The following DOCK4 variants were observed in gnomAD, a reference collection of about 807,000 sequenced individuals.
DOCK4 encodes dedicator of cytokinesis protein 4.
Under a neutral mutation model 268.1 loss-of-function variants are expected in DOCK4, and 97 were observed. That is an observed-to-expected ratio of 0.36 (90% CI 0.31 to 0.43). The LOEUF is 0.43. Among genes scored for constraint, DOCK4 ranks in the 20% least tolerant of loss-of-function variants. DOCK4 has a pLI of 1.00. For synonymous variants in DOCK4, 954 were observed against 887.2 expected, an observed-to-expected ratio of 1.08 and a Z score of -1.34; for missense variants, 2,145 against 2,455.7, an observed-to-expected ratio of 0.87 and a Z score of 2.67.
chr7:111,838,815 CAT>C lies in DOCK4; in HGVS notation c.2737-4131_2737-4130del, dbSNP rs1360236761. Among the ~76,000 whole-genome samples, 6 of 152,176 alleles carry C rather than the reference CAT, an allele frequency of 3.9e-5. No homozygotes were observed. The East Asian group carries it at 1.2e-3, about 29-fold the overall frequency. ...TGTGGTGATGTTTCATAGGAATACA[CAT>C]ATGTCAAAACTAAAATTGTACATTT... On this transcript the variant is annotated intron_variant, in intron 25 of 52. Transcript: ENST00000428084.
intron 1 of DOCK4, among the ~76,000 whole-genome samples, chr7:112,199,055 C>T (rs1286018287): frequency 6.6e-6 from 1 of 152,166 alleles, no homozygotes; most frequent in Non-Finnish European, 1.5e-5. Flanking sequence ...CTGATTCAAA[C>T]TTCTGCTAAC....
chr7:111,930,022 ACTG>A (rs1794067832), intron 12 of DOCK4, among the ~76,000 whole-genome samples: 1 of 152,188 alleles, frequency 6.6e-6, no homozygotes. Context: ...CTATAATTCA[ACTG>A]CTGTCTATCA....
At chr7:111,729,524 G>A (rs1794918905) in intron 52 of DOCK4, among the ~76,000 whole-genome samples, 2 of 152,118 alleles carry the variant, frequency 1.3e-5, no homozygotes, top group Admixed American at 6.5e-5. Flanking sequence ...CTCCAGCCTG[G>A]GCAACACAAT....
intron 1 of DOCK4, among the ~76,000 whole-genome samples, chr7:112,096,854 C>T (rs772167521): frequency 4.6e-5 from 7 of 152,156 alleles, no homozygotes; most frequent in East Asian, 1.9e-4. Context: ...CAGTGGGTTA[C>T]AGGACACAGT....
At chr7:111,986,555 T>C (rs981524889) in intron 6 of DOCK4, among the ~76,000 whole-genome samples, 4 of 152,044 alleles carry the variant, frequency 2.6e-5, no homozygotes, top group Admixed American at 2.6e-4. Context: ...AGAGAGAGGA[T>C]GAGAGGAGAT....
Position 112,078,705 on chromosome 7 carries a change from G to C in DOCK4, c.38-74574C>G, listed in dbSNP as rs189969374. On this transcript the variant is annotated intron_variant, in intron 1 of 52. Transcript: ENST00000428084. ...ACTCAAGCCAACTGGGAAGAAAGCA[G>C]AGGCATAGGAACGTCTGGAGATGAG... 2.3e-3 allele frequency among the ~76,000 whole-genome samples: 351 copies of C among 152,302 alleles called. 3 individuals carry two copies. The highest frequency in any genetic ancestry group is 2.9e-3 in the Non-Finnish European group (199 of 68,024).
chr7:112,136,929 A>G (rs1237952425), intron 1 of DOCK4, among the ~76,000 whole-genome samples: 1 of 152,166 alleles, frequency 6.6e-6, no homozygotes, highest in East Asian at 1.9e-4. Flanking sequence ...CAGCTATGGA[A>G]TTTGGGAGAG....
chr7:111,752,296 C>G (rs1225069296), intron 42 of DOCK4, among the ~76,000 whole-genome samples: 1 of 152,000 alleles, frequency 6.6e-6, no homozygotes, highest in African/African-American at 2.4e-5. Context: ...TTAAAAAGGT[C>G]ACTGGCTGCC....
At chr7:112,072,853 T>C (rs2135677543) in intron 1 of DOCK4, among the ~76,000 whole-genome samples, 1 of 152,334 alleles carries the variant, frequency 6.6e-6, no homozygotes, top group East Asian at 1.9e-4. Context: ...ACAACCTTCC[T>C]CTGGGAACTT....
intron 1 of DOCK4, among the ~76,000 whole-genome samples, chr7:112,144,529 G>A (rs751761068): frequency 6.6e-5 from 10 of 152,152 alleles, no homozygotes; most frequent in Non-Finnish European, 1.3e-4. Flanking sequence ...CAGGCAGATG[G>A]CACTAGGCAT....
intron 5 of DOCK4, among the ~76,000 whole-genome samples, chr7:111,990,931 T>C (rs1483893015): frequency 9.2e-5 from 14 of 152,168 alleles, no homozygotes; most frequent in Admixed American, 9.2e-4. Context: ...GTAGATTCTG[T>C]ACAGGCGATA....
intron 13 of DOCK4, among the ~76,000 whole-genome samples, chr7:111,906,741 G>C (rs984647755): frequency 2.0e-5 from 3 of 152,130 alleles, no homozygotes; most frequent in Admixed American, 6.5e-5. Flanking sequence ...GTCAGAATTA[G>C]AGAAGGGGAT....
intron 1 of DOCK4, among the ~76,000 whole-genome samples, chr7:112,179,590 G>A (rs952138713): frequency 4.0e-5 from 6 of 151,344 alleles, no homozygotes; most frequent in Admixed American, 1.3e-4. Flanking sequence ...CATGCCTGGC[G>A]CTCAAAGAAT....
At chr7:112,161,161 T>C (rs1366364541) in intron 1 of DOCK4, among the ~76,000 whole-genome samples, 4 of 152,196 alleles carry the variant, frequency 2.6e-5, no homozygotes, top group Admixed American at 6.5e-5. Flanking sequence ...AGACCCCATA[T>C]ACAAATATTT....
chr7:112,128,042 G>A lies in DOCK4; in HGVS notation c.37+78060C>T, dbSNP rs140261849. On this transcript the variant is annotated intron_variant, in intron 1 of 52. Transcript: ENST00000428084. Reference sequence around the variant, plus strand: ...AGACTCTGTCGGGGGTGAGGGTGGAGGGCAGCCTAAGCTTATGCCTCATTT... The same window carrying A: ...AGACTCTGTCGGGGGTGAGGGTGGAAGGCAGCCTAAGCTTATGCCTCATTT... Among the ~76,000 whole-genome samples the A allele has an allele frequency of 3.7e-3, 559 of 152,184 alleles. 1 individual carries two copies. Among genetic ancestry groups the A allele is most frequent in the African/African-American group, 0.012 (519 of 41,540 alleles).
At chr7:111,732,572 G>A (rs769153588) in intron 51 of DOCK4, 16 of 432,848 alleles carry the variant, frequency 3.7e-5, no homozygotes, top group Non-Finnish European at 5.0e-5. Context: ...TGTCCTTTCC[G>A]TTTCCCCAAA....
intron 52 of DOCK4, among the ~76,000 whole-genome samples, chr7:111,730,493 G>T (rs181940303): frequency 6.6e-6 from 1 of 152,290 alleles, no homozygotes; most frequent in Non-Finnish European, 1.5e-5. Context: ...CTGTCATTTA[G>T]TAGGAGCCTA....
At chr7:112,045,798 T>C (rs910691733) in intron 1 of DOCK4, among the ~76,000 whole-genome samples, 3 of 152,304 alleles carry the variant, frequency 2.0e-5, no homozygotes, top group African/African-American at 4.8e-5. Context: ...AGAGAAACAG[T>C]TGACTAACAG....
chr7:111,734,678 T>C (rs1482940947), intron 51 of DOCK4, among the ~76,000 whole-genome samples: 1 of 152,228 alleles, frequency 6.6e-6, no homozygotes, highest in Non-Finnish European at 1.5e-5. Context: ...AACTTTGGCA[T>C]CAGTCCTGAA....
Sources: allele counts gnomAD v4.1 joint callset (sites outside exome capture counted in the v4.1 genomes callset), GRCh38; gene constraint gnomAD v4.1.1; transcripts MANE v1.5; gene names NCBI Gene and HGNC (gene_info 2026-07-23, HGNC 2026-07-21).